Variants in SUPT3H observed in about 807,000 individuals in gnomAD.
SUPT3H encodes the protein transcription initiation protein SPT3 homolog.
A neutral mutation model predicts 44.3 loss-of-function variants in SUPT3H; 44 were observed. The observed-to-expected ratio is 0.99, with a 90% CI of 0.78 to 1.28. SUPT3H has a LOEUF of 1.28. SUPT3H is among the 50% of genes most tolerant of loss of function. The pLI, the probability that SUPT3H is intolerant of heterozygous loss-of-function variation, is 0.00. For synonymous variants in SUPT3H, 124 were observed against 125.6 expected (o/e 0.99, Z 0.09); for missense variants, 380 against 387.1 (o/e 0.98, Z 0.15).
At chr6:45,253,870 T>C (rs185098534) in intron 2 of SUPT3H, among the ~76,000 whole-genome samples, 2,435 of 140,648 alleles carry the variant, frequency 0.017, 100 homozygotes, top group South Asian at 0.081. Context: ...TATATATATA[T>C]ATACACACAC....
At chr6:45,146,336 AC>A (rs1206675894) in intron 2 of SUPT3H, among the ~76,000 whole-genome samples, 7 of 152,008 alleles carry the variant, frequency 4.6e-5, no homozygotes, top group South Asian at 2.1e-4. Flanking sequence ...ATAAATGGAA[AC>A]CCAAATATCA....
chr6:45,102,944 A>AAAG (rs1798790009), intron 3 of SUPT3H, among the ~76,000 whole-genome samples: 1 of 151,826 alleles, frequency 6.6e-6, no homozygotes, highest in African/African-American at 2.4e-5. Flanking sequence ...GTCTCAAAAA[A>AAAG]AAGAAAAAAA....
chr6:45,242,195 A>G (rs1770479813), intron 2 of SUPT3H, among the ~76,000 whole-genome samples: 1 of 152,200 alleles, frequency 6.6e-6, no homozygotes, highest in African/African-American at 2.4e-5. Flanking sequence ...GAAGCAAAAT[A>G]AAGAACACCC....
chr6:45,336,940 A>G (rs1788686049), intron 2 of SUPT3H, among the ~76,000 whole-genome samples: 1 of 151,672 alleles, frequency 6.6e-6, no homozygotes, highest in South Asian at 2.1e-4. Context: ...ATTATTATAA[A>G]CTGGCATAAA....
intron 3 of SUPT3H, among the ~76,000 whole-genome samples, chr6:45,101,603 T>C (rs1446345341): frequency 1.3e-5 from 2 of 152,178 alleles, no homozygotes; most frequent in South Asian, 2.1e-4. Flanking sequence ...ACTATAATAG[T>C]AACAATTTAT....
At chr6:44,823,808 A>G (rs980771116), downstream of SUPT3H, among the ~76,000 whole-genome samples, 1 of 151,868 alleles carries the variant, frequency 6.6e-6, no homozygotes, top group Non-Finnish European at 1.5e-5. Flanking sequence ...CTAAAAATAC[A>G]AAAAATTAGC....
chr6:45,098,527 T>C, intron 3 of SUPT3H: 1 of 249,350 alleles, frequency 4.0e-6, no homozygotes, highest in Non-Finnish European at 8.1e-6. Flanking sequence ...TCCTCCTGGG[T>C]GAAAGGAGAG....
chr6:45,069,921 C>T (rs977496444), intron 3 of SUPT3H, among the ~76,000 whole-genome samples: 1 of 152,012 alleles, frequency 6.6e-6, no homozygotes, highest in Admixed American at 6.6e-5. Flanking sequence ...GAGGAGCCTG[C>T]CAACAGCTGC....
At chr6:45,218,603 G>A (rs760409342) in intron 2 of SUPT3H, among the ~76,000 whole-genome samples, 19 of 152,154 alleles carry the variant, frequency 1.2e-4, no homozygotes, top group Non-Finnish European at 8.8e-5. Flanking sequence ...GCATGATGGC[G>A]CATGCCTGTA....
At chr6:44,859,309 G>T (rs1162974583) in intron 10 of SUPT3H, among the ~76,000 whole-genome samples, 2 of 152,162 alleles carry the variant, frequency 1.3e-5, no homozygotes, top group Admixed American at 6.5e-5. Flanking sequence ...GTTTTTTAAG[G>T]TGGAAACATT....
intron 2 of SUPT3H, among the ~76,000 whole-genome samples, chr6:45,303,671 T>TA (rs36119324): frequency 0.59 from 66,871 of 112,718 alleles, 18,552 homozygotes; most frequent in African/African-American, 0.69. Flanking sequence ...ATTCTAGAAG[T>TA]AAAAAAAAAA....
At chr6:45,322,916 T>A (rs1417540981) in intron 2 of SUPT3H, 1 of 1,612,916 alleles carries the variant, frequency 6.2e-7, no homozygotes, top group African/African-American at 1.3e-5. Flanking sequence ...AAGACCACCA[T>A]GAGTCCATGG....
chr6:45,098,918 G>T (rs1798161380), intron 3 of SUPT3H: 1 of 524,572 alleles, frequency 1.9e-6, no homozygotes, highest in African/African-American at 1.9e-5. Flanking sequence ...AAATGGGGAA[G>T]ATCCCAAGCA....
chr6:45,035,240 C>T lies in SUPT3H; in HGVS notation c.187-14608G>A, dbSNP rs1370887330. On this transcript the variant is annotated intron_variant, in intron 3 of 10. Transcript: ENST00000371459. Reference sequence around the variant, plus strand: ...TTTTCAGTTGATGGATTAGACCTGACACTGTTATGTGACTTTGTGCTAGGT... The same window carrying T: ...TTTTCAGTTGATGGATTAGACCTGATACTGTTATGTGACTTTGTGCTAGGT... 3.3e-5 allele frequency among the ~76,000 whole-genome samples: 5 copies of T among 152,242 alleles called. No homozygotes were observed. In the South Asian group the frequency reaches 8.3e-4, roughly 25 times the overall value.
chr6:45,041,014 G>C (rs756446344), intron 3 of SUPT3H, among the ~76,000 whole-genome samples: 9 of 152,116 alleles, frequency 5.9e-5, no homozygotes, highest in Non-Finnish European at 1.3e-4. Flanking sequence ...CAAGACTAAA[G>C]TGAGCTTTAG....
intron 2 of SUPT3H, among the ~76,000 whole-genome samples, chr6:45,125,739 GATTT>G (rs1026336768): frequency 2.0e-5 from 3 of 150,982 alleles, no homozygotes; most frequent in African/African-American, 7.3e-5. Context: ...TTCTAGCAGT[GATTT>G]ATTTTTCAGG....
intron 10 of SUPT3H, among the ~76,000 whole-genome samples, chr6:44,928,610 C>G (rs1165388273): frequency 6.6e-6 from 1 of 151,810 alleles, no homozygotes; most frequent in East Asian, 1.9e-4. Context: ...AGAAAAGAAA[C>G]AAGGGCCGGG....
chr6:45,022,496 G>A (rs1046796769), intron 3 of SUPT3H, among the ~76,000 whole-genome samples: 10 of 150,486 alleles, frequency 6.6e-5, no homozygotes, highest in Admixed American at 4.6e-4. Context: ...TTATCCTGTC[G>A]TATGTAGTAG....
intron 6 of SUPT3H, among the ~76,000 whole-genome samples, chr6:45,001,129 T>C (rs1481949260): frequency 6.6e-6 from 1 of 151,998 alleles, no homozygotes; most frequent in East Asian, 1.9e-4. Context: ...TTTGATTAGA[T>C]GAAAAAATTA....
Sources: allele counts gnomAD v4.1 joint callset (sites outside exome capture counted in the v4.1 genomes callset), GRCh38; gene constraint gnomAD v4.1.1; transcripts MANE v1.5; gene names NCBI Gene and HGNC (gene_info 2026-07-23, HGNC 2026-07-21).